The following RASSF3 variants were observed in gnomAD, a reference collection of about 807,000 sequenced individuals.
RASSF3 encodes Ras association domain family member 3.
A neutral mutation model predicts 19.9 loss-of-function variants in RASSF3; 19 were observed. That is an observed-to-expected ratio of 0.96 (90% confidence interval 0.67 to 1.40). The LOEUF (loss-of-function observed/expected upper bound fraction) is 1.40, where lower values mean the gene tolerates loss of function less well. RASSF3 is among the 40% of genes most tolerant of loss of function. The probability of loss-of-function intolerance (pLI) is 0.00; values close to 1 mark genes in which losing one functional copy is unlikely to be tolerated. For synonymous variants in RASSF3, 110 were observed against 104.2 expected (o/e 1.06, Z -0.34); for missense variants, 306 against 289.8 (o/e 1.06, Z -0.41).
At chr12:64,512,070 C>T (rs940204634) in intron 1 of RASSF3, among the ~76,000 whole-genome samples, 2 of 152,196 alleles carry the variant, frequency 1.3e-5, no homozygotes, top group African/African-American at 4.8e-5. Context: ...GCTTATTAGA[C>T]AGCACCCCAC....
At chr12:64,541,722 CT>C (rs141892987), downstream of RASSF3, 665 of 398,588 alleles carry the variant, frequency 1.7e-3, 5 homozygotes, top group African/African-American at 0.013. Flanking sequence ...ACTATTGGTG[CT>C]TGTGGACATC....
intron 1 of RASSF3, among the ~76,000 whole-genome samples, chr12:64,635,619 G>A (rs941305894): frequency 3.9e-5 from 6 of 152,218 alleles, no homozygotes; most frequent in South Asian, 2.1e-4. Flanking sequence ...GGCACAGAGA[G>A]GTTAAATAGT....
intron 1 of RASSF3, among the ~76,000 whole-genome samples, chr12:64,650,749 T>TA (rs1260726745): frequency 2.6e-5 from 4 of 152,044 alleles, no homozygotes; most frequent in South Asian, 2.1e-4. Context: ...TTAGGAGTCT[T>TA]AAAAAAAGTC....
chr12:64,562,003 T>TTATG lies in RASSF3; in HGVS notation c.294+20301_294+20302insGTAT, dbSNP rs1869355951. Among the ~76,000 whole-genome samples, 4 of 109,824 alleles carry TTATG rather than the reference T, an allele frequency of 3.6e-5. No homozygotes were observed. The South Asian group carries it at 1.2e-3, about 34-fold the overall frequency. The allele number at this position is 109,824 out of a possible 152,430, so 72.0% of individuals were successfully genotyped here. On this transcript the variant is annotated intron_variant, in intron 2 of 5. Transcript: ENST00000637125. ...TGGCCCATAGTATTTATTTATTTAT[T>TTATG]TATTTATTTATTTATTTATTTTTGT... is the stretch of plus-strand genomic sequence containing the variant.
intron 4 of RASSF3, among the ~76,000 whole-genome samples, chr12:64,694,065 G>A (rs75145283): frequency 0.079 from 12,056 of 152,226 alleles, 586 homozygotes; most frequent in Non-Finnish European, 0.12. Flanking sequence ...GGGAGAATGC[G>A]TGCCACTTGG....
upstream of RASSF3, among the ~76,000 whole-genome samples, chr12:64,531,680 T>C (rs1351358842): frequency 6.6e-6 from 1 of 152,248 alleles, no homozygotes; most frequent in Non-Finnish European, 1.5e-5. Context: ...GTTTAGCCTG[T>C]AGCTTTGTGT....
intron 2 of RASSF3, among the ~76,000 whole-genome samples, chr12:64,548,791 A>C (rs1869111190): frequency 6.6e-6 from 1 of 152,198 alleles, no homozygotes. Context: ...ATCCATTTTA[A>C]AATTCAATTT....
chr12:64,535,925 G>A (rs1359288154), intron 1 of RASSF3, among the ~76,000 whole-genome samples: 2 of 150,966 alleles, frequency 1.3e-5, no homozygotes, highest in African/African-American at 4.9e-5. Flanking sequence ...AGCTTCAGGT[G>A]ATCCGCCCAC....
At chr12:64,540,876 T>G (rs1315711667) in intron 1 of RASSF3, among the ~76,000 whole-genome samples, 2 of 152,022 alleles carry the variant, frequency 1.3e-5, no homozygotes, top group African/African-American at 2.4e-5. Flanking sequence ...GCTCAAGCAA[T>G]CCTCTCAACT....
At chr12:64,557,604 T>A (rs1237438620) in intron 2 of RASSF3, among the ~76,000 whole-genome samples, 1 of 152,192 alleles carries the variant, frequency 6.6e-6, no homozygotes, top group Non-Finnish European at 1.5e-5. Context: ...AGTGGGTCAC[T>A]GGGAGTGATG....
intron 1 of RASSF3, among the ~76,000 whole-genome samples, chr12:64,507,995 CTG>C (rs910471376): frequency 3.1e-4 from 47 of 152,162 alleles, no homozygotes; most frequent in African/African-American, 9.9e-4. Flanking sequence ...CCTTCATACT[CTG>C]CAGCACTGGT....
chr12:64,612,479 CTT>C (rs369436937), intron 1 of RASSF3, among the ~76,000 whole-genome samples: 8 of 119,366 alleles, frequency 6.7e-5, no homozygotes, highest in Non-Finnish European at 6.9e-5. Context: ...TTTAGCGTTT[CTT>C]TTTTTTTTTT....
At chr12:64,679,263 G>C (rs984894082) in intron 1 of RASSF3, among the ~76,000 whole-genome samples, 1 of 152,180 alleles carries the variant, frequency 6.6e-6, no homozygotes, top group African/African-American at 2.4e-5. Context: ...GTTTCACCAT[G>C]TTGGCCAGGT....
intron 1 of RASSF3, among the ~76,000 whole-genome samples, chr12:64,627,017 C>T (rs534242371): frequency 6.6e-6 from 1 of 152,234 alleles, no homozygotes; most frequent in East Asian, 1.9e-4. Context: ...ACTTAAGTTC[C>T]TTGAGTAACA....
At chr12:64,564,679 GC>G (rs1869399647) in intron 2 of RASSF3, among the ~76,000 whole-genome samples, 1 of 152,034 alleles carries the variant, frequency 6.6e-6, no homozygotes, top group South Asian at 2.1e-4. Context: ...ACTGCGCCCA[GC>G]CCTCCCTAAC....
intron 1 of RASSF3, among the ~76,000 whole-genome samples, chr12:64,518,987 G>A (rs1335159618): frequency 2.0e-5 from 3 of 152,154 alleles, no homozygotes; most frequent in African/African-American, 7.2e-5. Context: ...AATACTGGCA[G>A]GTTCATTACT....
intron 2 of RASSF3, among the ~76,000 whole-genome samples, chr12:64,590,989 A>G (rs570444198): frequency 1.3e-5 from 2 of 152,304 alleles, no homozygotes; most frequent in South Asian, 4.1e-4. Flanking sequence ...TAACTGAAAT[A>G]CCTCTCAATG....
At chr12:64,670,366 T>C (rs1028281958) in intron 1 of RASSF3, among the ~76,000 whole-genome samples, 1 of 85,882 alleles carries the variant, frequency 1.2e-5, no homozygotes, top group Non-Finnish European at 2.4e-5. Flanking sequence ...TCCTAGATTT[T>C]ACTGTTTTTT....
chr12:64,622,160 C>T (rs1870796358), intron 1 of RASSF3, among the ~76,000 whole-genome samples: 1 of 151,976 alleles, frequency 6.6e-6, no homozygotes, highest in Non-Finnish European at 1.5e-5. Context: ...AAGCTATTTT[C>T]CTGCCTCAGC....
Sources: allele counts gnomAD v4.1 joint callset (sites outside exome capture counted in the v4.1 genomes callset), GRCh38; gene constraint gnomAD v4.1.1; transcripts MANE v1.5; gene names NCBI Gene and HGNC (gene_info 2026-07-23, HGNC 2026-07-21).